Variants in ABL1 observed in about 807,000 individuals in gnomAD.
ABL1 encodes tyrosine-protein kinase ABL1.
ABL1 carries 11 observed loss-of-function variants against 94.7 expected under a neutral mutation model. The observed-to-expected ratio is 0.12, with a 90% CI of 0.07 to 0.19. The LOEUF (loss-of-function observed/expected upper bound fraction) is 0.19. Ranked by LOEUF, ABL1 falls within the 10% of genes least tolerant of loss-of-function variation. The pLI, the probability that ABL1 is intolerant of heterozygous loss-of-function variation, is 1.00. For synonymous variants in ABL1, 656 were observed against 622.4 expected, an observed-to-expected ratio of 1.05 and a Z score of -0.80; for missense variants, 1,082 against 1,489.4, an observed-to-expected ratio of 0.73 and a Z score of 4.50.
At chr9:130,883,618 C>G (rs375077902) in intron 10 of ABL1, among the ~76,000 whole-genome samples, 3 of 152,288 alleles carry the variant, frequency 2.0e-5, no homozygotes, top group African/African-American at 7.2e-5. Context: ...GCCCCCCACC[C>G]ACCCACATCA....
intron 1 of ABL1, among the ~76,000 whole-genome samples, chr9:130,785,928 TA>T (rs34333699): frequency 0.044 from 2,514 of 56,700 alleles, 20 homozygotes; most frequent in African/African-American, 0.08. Flanking sequence ...GTCTCAAAAC[TA>T]AAAAAAAAAA....
At chr9:130,868,916 C>T (rs1187838482) in intron 4 of ABL1, among the ~76,000 whole-genome samples, 1 of 151,998 alleles carries the variant, frequency 6.6e-6, no homozygotes, top group African/African-American at 2.4e-5. Flanking sequence ...GCCTGTAATC[C>T]CAGCACTCTG....
intron 1 of ABL1, among the ~76,000 whole-genome samples, chr9:130,813,029 C>T (rs949524630): frequency 2.0e-5 from 3 of 151,608 alleles, no homozygotes; most frequent in African/African-American, 4.8e-5. Flanking sequence ...GCCTGGCCAA[C>T]GTGGTGAAAC....
intron 1 of ABL1, among the ~76,000 whole-genome samples, chr9:130,847,409 G>A (rs1830789728): frequency 6.6e-6 from 1 of 152,236 alleles, no homozygotes; most frequent in East Asian, 1.9e-4. Context: ...CCTTCTTTAG[G>A]GGAATCTTGC....
At chr9:130,737,497 G>A (rs1005866346) in intron 1 of ABL1, among the ~76,000 whole-genome samples, 1 of 152,034 alleles carries the variant, frequency 6.6e-6, no homozygotes, top group Admixed American at 6.6e-5. Flanking sequence ...TCGAACTCCT[G>A]ACCTCAGATG....
At chr9:130,860,504 C>G (rs1349618095) in intron 3 of ABL1, among the ~76,000 whole-genome samples, 1 of 152,146 alleles carries the variant, frequency 6.6e-6, no homozygotes, top group Non-Finnish European at 1.5e-5. Flanking sequence ...CTTAGCATTC[C>G]ACTTTGGAGT....
intron 1 of ABL1, among the ~76,000 whole-genome samples, chr9:130,807,155 A>G (rs1830136294): frequency 1.3e-5 from 2 of 152,176 alleles, no homozygotes; most frequent in Non-Finnish European, 2.9e-5. Context: ...ATCTTAAAAA[A>G]AAAAGTTTGC....
rs78863086 is a variant in ABL1, at chr9:130,864,247, T to A, written c.822+1212T>A. Among the ~76,000 whole-genome samples the A allele has an allele frequency of 1.8e-4, 27 of 152,150 alleles. No homozygotes were observed. In the East Asian group the frequency reaches 2.9e-3, roughly 16 times the overall value. On this transcript the variant is annotated intron_variant, in intron 4 of 10. Transcript: ENST00000318560. ...CCCTGGATATTTCTCAGATAGGACTTTTTCTTTTCTTTTTTTGAGACGGAG... is the reference window on the plus strand; with the variant it reads ...CCCTGGATATTTCTCAGATAGGACTATTTCTTTTCTTTTTTTGAGACGGAG...
At chr9:130,847,271 T>TA (rs1390615562) in intron 1 of ABL1, among the ~76,000 whole-genome samples, 1 of 152,206 alleles carries the variant, frequency 6.6e-6, no homozygotes, top group African/African-American at 2.4e-5. Context: ...AAATGTTCAC[T>TA]AAAAAAATTT....
At chr9:130,739,019 A>AGCCACCCGCTACAGGCGCGT (rs1831781083) in intron 1 of ABL1, among the ~76,000 whole-genome samples, 3 of 151,992 alleles carry the variant, frequency 2.0e-5, no homozygotes, top group Non-Finnish European at 4.4e-5. Flanking sequence ...AGTAGCGGGG[A>AGCCACCCGCTACAGGCGCGT]GCCACCCGCT....
At chr9:130,857,452 A>G (rs1830992476) in intron 3 of ABL1, among the ~76,000 whole-genome samples, 1 of 152,164 alleles carries the variant, frequency 6.6e-6, no homozygotes, top group Non-Finnish European at 1.5e-5. Flanking sequence ...GCCATTTAGT[A>G]AATTCATCTT....
chr9:130,852,050 A>T (rs1588267887), intron 1 of ABL1, among the ~76,000 whole-genome samples: 1 of 151,928 alleles, frequency 6.6e-6, no homozygotes, highest in South Asian at 2.1e-4. Flanking sequence ...AAATGCTGGG[A>T]TTACAGGGGT....
rs535404945 is a variant in ABL1 at position 130,850,892 on chromosome 9, CGTT to C, written c.80-3165_80-3163del. Among the ~76,000 whole-genome samples the C allele has an allele frequency of 2.1e-3, 318 of 152,086 alleles. 2 individuals are homozygous for C. Among genetic ancestry groups the C allele is most frequent in the African/African-American group, 7.4e-3 (306 of 41,498 alleles). On this transcript the variant is annotated intron_variant, in intron 1 of 10. Transcript: ENST00000318560. ...GTACACTAAATGGGGGTGGGGATCA[CGTT>C]GTTGTTTTTTGTTTGTTTTTGTTTG... is the stretch of plus-strand genomic sequence containing the variant.
intron 1 of ABL1, among the ~76,000 whole-genome samples, chr9:130,818,666 G>T (rs1385132026): frequency 6.6e-6 from 1 of 152,092 alleles, no homozygotes; most frequent in Admixed American, 6.6e-5. Context: ...GTGGTGCCAG[G>T]TATTGCTCGA....
At chr9:130,755,004 T>C (rs1832025048) in intron 1 of ABL1, among the ~76,000 whole-genome samples, 1 of 152,118 alleles carries the variant, frequency 6.6e-6, no homozygotes, top group Non-Finnish European at 1.5e-5. Flanking sequence ...AAGCCAAAGA[T>C]TTTGGAGATA....
In ABL1 at chr9:130,885,203, G is replaced by T; in HGVS notation, c.2913G>T (p.Pro971=). Reference sequence around the variant, plus strand: ...CTCCAAAGCCACAGTCCGCCAAGCCGTCGGGGACCCCCATCAGCCCAGCCC... The same window carrying T: ...CTCCAAAGCCACAGTCCGCCAAGCCTTCGGGGACCCCCATCAGCCCAGCCC... The part of the protein sequence containing the change: ...PATPKPQSAK[P]SGTPISPAPV... The change falls in exon 11 of 11, where the codon CCG becomes CCT. Residue 971 remains proline, a synonymous_variant. Transcript: ENST00000318560. 1.2e-6 allele frequency: 2 copies of T among 1,613,610 alleles called. No homozygotes were observed. Among genetic ancestry groups the T allele is most frequent in the Non-Finnish European group, 1.7e-6 (2 of 1,179,992 alleles).
Position 130,886,015 on chromosome 9 carries a change from G to A in ABL1, c.*332G>A, listed in dbSNP as rs530685079. On this transcript the variant is annotated 3_prime_UTR_variant, in exon 11 of 11. Coordinates refer to ENST00000318560, the MANE Select transcript of ABL1 (RefSeq NM_005157.6). ...AGACTGAGCTCTCCAGGCCAGGTGG[G>A]AACGGCTGATGTGGACTGTCTTTTT... 6.0e-6 allele frequency: 2 copies of A among 334,008 alleles called. No individual in the cohort carries two copies. Among genetic ancestry groups the A allele is most frequent in the Non-Finnish European group, 1.1e-5 (2 of 182,364 alleles). 20.7% of individuals were successfully genotyped at this position (334,008 alleles called of 1,614,324 possible). A position where few individuals can be genotyped will look rare whatever the true frequency, so the allele number is the denominator to read the frequency against.
At chr9:130,834,953 G>A (rs1024342950), upstream of ABL1, 18 of 455,086 alleles carry the variant, frequency 4.0e-5, no homozygotes, top group Admixed American at 4.0e-4. Context: ...GACGCCCCAG[G>A]CCGCGGTGGA....
In ABL1 at chr9:130,814,022, C is replaced by T. The variant is rs1830248131; in HGVS notation, c.137-40042C>T. Among the ~76,000 whole-genome samples the T allele has an allele frequency of 6.6e-6, 1 of 152,162 alleles. No homozygotes were observed. The highest frequency in any genetic ancestry group is 1.5e-5 in the Non-Finnish European group (1 of 68,038). ...GCCAGTGTGGCCAGGCAGGGAGGCC[C>T]ATGCCTGTAATCCCAGCACTTTGGG... On this transcript the variant is annotated intron_variant, in intron 1 of 10. Coordinates refer to the ABL1 transcript ENST00000372348. The surrounding 1 kb of genome is among the most constrained non-coding windows in gnomAD (Gnocchi z 4.4).
Sources: allele counts gnomAD v4.1 joint callset (sites outside exome capture counted in the v4.1 genomes callset), GRCh38; gene constraint gnomAD v4.1.1; non-coding constraint Gnocchi (gnomAD v3.1); transcripts MANE v1.5; gene names NCBI Gene and HGNC (gene_info 2026-07-23, HGNC 2026-07-21).